Variants in ABCA2 observed in about 807,000 individuals in gnomAD.
The protein encoded by ABCA2 is ATP-binding cassette sub-family A member 2.
ABCA2 carries 84 observed loss-of-function variants against 262.8 expected under a neutral mutation model. The ratio of observed to expected loss-of-function variants is 0.32; its 90% CI spans 0.27 to 0.38. The LOEUF (loss-of-function observed/expected upper bound fraction) is 0.38, where lower values mean the gene tolerates loss of function less well. Among genes scored for constraint, ABCA2 ranks in the 10% least tolerant of loss-of-function variants. The pLI is 1.00. For missense variants in ABCA2, 2,662 were observed against 3,405.9 expected, an observed-to-expected ratio of 0.78 and a Z score of 5.44; for synonymous variants, 1,696 against 1,502.9, an observed-to-expected ratio of 1.13 and a Z score of -2.97.
chr9:137,028,822 G>T, upstream of ABCA2: 1 of 1,307,568 alleles, frequency 7.6e-7, no homozygotes, highest in Non-Finnish European at 1.0e-6. This position sits in a 1 kb window ranked among gnomAD's most constrained non-coding sequence, Gnocchi z 6.9. Context: ...GAGCGGAGCA[G>T]GCAGGGGACC....
chr9:137,021,547 C>G lies in ABCA2; in HGVS notation c.742G>C (p.Gly248Arg). The change falls in exon 8 of 49, where the codon GGC becomes CGC. Residue 248 changes from glycine (G) to arginine (R), a missense_variant. This residue lies in a region of ABCA2 where 403 missense variants were observed against 375.9 expected (regional missense o/e 1.07). Coordinates refer to ENST00000341511, the MANE Select transcript of ABCA2 (RefSeq NM_001606.5). This position sits in a 1 kb window ranked among gnomAD's most constrained non-coding sequence, Gnocchi z 6.0. ...LTCTPGSGEL[G>R]RILTVPESQK... Reference sequence around the variant, plus strand: ...CTCTCAGGCACAGTGAGGATCCGGCCCAGCTCCCCCGAGCCCGGCGTGCAG... The same window carrying G: ...CTCTCAGGCACAGTGAGGATCCGGCGCAGCTCCCCCGAGCCCGGCGTGCAG... 1 of 1,590,322 alleles carries G rather than the reference C, an allele frequency of 6.3e-7. No individual in the cohort carries two copies. Among genetic ancestry groups the G allele is most frequent in the Non-Finnish European group, 8.6e-7 (1 of 1,169,360 alleles).
At chr9:137,009,103 C>T (rs557935899) in intron 45 of ABCA2, 50 bp from the exon 46 acceptor site, 860 of 1,548,868 alleles carry the variant, frequency 5.6e-4, no homozygotes, top group Non-Finnish European at 7.1e-4. Context: ...CAGCCAGAGC[C>T]CCAGCCCCCC....
Position 137,011,692 on chromosome 9 carries a change from G to T in ABCA2, c.5593C>A (p.Pro1865Thr). Residue 1865 changes from proline to threonine, a missense_variant, in exon 36 of 49, where the codon CCG becomes ACG. Pro to Thr is a conservative substitution (Grantham distance 38). Coordinates refer to ENST00000341511, the MANE Select transcript of ABCA2 (RefSeq NM_001606.5). This position sits in a 1 kb window ranked among gnomAD's most constrained non-coding sequence, Gnocchi z 8.8. ...AAGTTGGTGGGCGACGTGTAGGCCG[G>T]CAGGTCGAACACAAACAGGATGATG... The part of the protein sequence containing the change: ...CVIILFVFDL[P>T]AYTSPTNFPA... The T allele has an allele frequency of 6.4e-7, 1 of 1,554,878 alleles. No homozygotes were observed.
In ABCA2 at chr9:137,016,737, G is replaced by A. The variant is rs892522876; in HGVS notation, c.2760C>T (p.Gly920=). Residue 920 remains glycine (G), a splice_region_variant and synonymous_variant, in exon 20 of 49, where the codon GGC becomes GGT. Coordinates refer to ENST00000341511, the MANE Select transcript of ABCA2 (RefSeq NM_001606.5). ...ACCAGGGCCGGGGCAGCCCGTACAT[G>A]CCTGGGGGTCGGGGAGGGGAGGGGA... ...LTWYIEAVHP[G]MYGLPRPWYF... is the part of the protein sequence containing the mutation. The A allele has an allele frequency of 7.1e-6, 11 of 1,549,594 alleles. No individual in the cohort carries two copies. Among genetic ancestry groups the A allele is most frequent in the Non-Finnish European group, 9.6e-6 (11 of 1,150,476 alleles).
chr9:137,010,608 C>T lies in ABCA2; in HGVS notation c.6174+12G>A, dbSNP rs752112807. On this transcript the variant is annotated intron_variant, in intron 40 of 48. Transcript: ENST00000341511. The stretch of plus-strand genomic sequence containing the variant: ...CCCCACCCAGGCCCCACCCTACATG[C>T]CCAGAGCCCACCTTGGTCAGGTTCT... The T allele has an allele frequency of 3.6e-5, 40 of 1,113,146 alleles. No homozygotes were observed. The highest frequency in any genetic ancestry group is 5.4e-5 in the Non-Finnish European group (40 of 743,700). The allele number at this position is 1,113,146 out of a possible 1,614,324, so 69.0% of individuals were successfully genotyped here. A position where few individuals can be genotyped will look rare whatever the true frequency, so the allele number is the denominator to read the frequency against.
chr9:137,022,951 C>T lies in ABCA2; in HGVS notation c.265G>A (p.Ala89Thr), dbSNP rs769192913. The T allele has an allele frequency of 2.7e-5, 42 of 1,576,688 alleles. 1 individual carries two copies. The highest frequency in any genetic ancestry group is 3.7e-5 in the Admixed American group (2 of 54,196). Reference protein sequence around the residue: ...QRDEFGFLQYANSTVTQLLER... With the variant: ...QRDEFGFLQYTNSTVTQLLER... The stretch of plus-strand genomic sequence containing the variant: ...CGGGTGGGCACTCACGTGGAGTTGG[C>T]GTACTGCAGGAAGCCGAACTCGTCT... The change falls in exon 4 of 49, where the codon GCC (alanine) becomes ACC (threonine). Residue 89 changes from alanine (A) to threonine (T), a missense_variant. Around this residue, in one of 12 missense-constraint regions of ABCA2, gnomAD observed 101 missense variants for 152.3 expected, o/e 0.66. Coordinates refer to ENST00000341511, the MANE Select transcript of ABCA2 (RefSeq NM_001606.5).
chr9:137,008,776 C>T lies in ABCA2; in HGVS notation c.7023G>A (p.Val2341=). ...VFSKMEQVSG[V]LGIEDYSVSQ... is the part of the protein sequence containing the mutation. ...TGACCGAGTAGTCCTCGATGCCCAG[C>T]ACGCCAGACACCTGCTCCATCTTGC... The change falls in exon 47 of 49, where the codon GTG becomes GTA. Residue 2341 remains valine, a synonymous_variant. Transcript: ENST00000341511. 1 of 1,597,494 alleles carries T rather than the reference C, an allele frequency of 6.3e-7. No individual in the cohort carries two copies.
intron 3 of ABCA2, chr9:137,023,294 A>C: frequency 1.5e-6 from 1 of 648,778 alleles, no homozygotes; most frequent in Non-Finnish European, 2.8e-6. Flanking sequence ...CCCTTCTGCC[A>C]TAACTCCCAG....
chr9:137,010,582 ACCCCACCCAGG>A, intron 40 of ABCA2, 27 bp downstream of exon 40: 1 of 1,058,696 alleles, frequency 9.4e-7, no homozygotes, highest in Non-Finnish European at 1.4e-6. Context: ...GCCCTGGCCT[ACCCCACCCAGG>A]CCCCACCCTA....
Position 137,028,040 on chromosome 9 carries a change from C to T in ABCA2, c.66+35G>A. On this transcript the variant is annotated intron_variant, in intron 1 of 48. Transcript: ENST00000341511. This position sits in a 1 kb window ranked among gnomAD's most constrained non-coding sequence, Gnocchi z 6.9. The stretch of plus-strand genomic sequence containing the variant: ...CGCCTCTGGCCGCGGTGCGCGCGGC[C>T]TCGGGCTGAGGGCGGGCGCGTGGGG... 5.1e-6 allele frequency: 5 copies of T among 975,022 alleles called. No individual in the cohort carries two copies. The highest frequency in any genetic ancestry group is 6.1e-6 in the Non-Finnish European group (5 of 822,050). The allele number at this position is 975,022 out of a possible 1,614,324, so 60.4% of individuals were successfully genotyped here.
intron 19 of ABCA2, 36 bp from the exon 20 acceptor site, chr9:137,016,774 G>C: frequency 6.5e-7 from 1 of 1,542,406 alleles, no homozygotes; most frequent in East Asian, 2.3e-5. Flanking sequence ...GCTGACCTAG[G>C]GCCTGGGGTG....
rs765982580 is a variant in ABCA2, at chr9:137,014,016, C to T, written c.4263G>A (p.Ser1421=). 40 of 1,611,484 alleles carry T rather than the reference C, an allele frequency of 2.5e-5. No homozygotes were observed. Among genetic ancestry groups the T allele is most frequent in the Middle Eastern group, 3.3e-4 (2 of 6,062 alleles). ...SLQEVEAEAL[S]RVGQGSRKLD... Reference sequence around the variant, plus strand: ...GCTTGCGGCTGCCCTGGCCGACCCTCGACAGGGCCTCTGCCTCCACCTCTG... The same window carrying T: ...GCTTGCGGCTGCCCTGGCCGACCCTTGACAGGGCCTCTGCCTCCACCTCTG... Residue 1421 remains serine (S), a synonymous_variant, in exon 28 of 49, where the codon TCG becomes TCA. Coordinates refer to ENST00000341511, the MANE Select transcript of ABCA2 (RefSeq NM_001606.5).
In ABCA2 at chr9:137,009,399, G is replaced by A. The variant is rs1222039302; in HGVS notation, c.6798C>T (p.Cys2266=). ...TCTTCAGGTGCTGGATGCTGCCCAG[G>A]CACCGCAGGCGACCGTTCACCATGA... The part of the protein sequence containing the change: ...LAIMVNGRLR[C]LGSIQHLKNR... The change falls in exon 45 of 49, where the codon TGC becomes TGT. Residue 2266 remains cysteine (C), a synonymous_variant. Coordinates refer to ENST00000341511, the MANE Select transcript of ABCA2 (RefSeq NM_001606.5). 1 of 1,548,372 alleles carries A rather than the reference G, an allele frequency of 6.5e-7. No individual in the cohort carries two copies. Among genetic ancestry groups the A allele is most frequent in the Non-Finnish European group, 8.7e-7 (1 of 1,145,212 alleles).
Position 137,015,988 on chromosome 9 carries a change from C to T in ABCA2, c.3291G>A (p.Gln1097=). ...TGTCCATCTCTCTGCGGATCTCCTC[C>T]TGAGCCATGCTCTTGAGCCGTGAGT... ...WFYSRLKSMA[Q]EEIRREMDKM... Residue 1097 remains glutamine (Q), a synonymous_variant, in exon 22 of 49, where the codon CAG becomes CAA. Coordinates refer to ENST00000341511, the MANE Select transcript of ABCA2 (RefSeq NM_001606.5). 1.3e-6 allele frequency: 2 copies of T among 1,580,406 alleles called. No individual in the cohort carries two copies. The highest frequency in any genetic ancestry group is 8.6e-7 in the Non-Finnish European group (1 of 1,160,724).
intron 42 of ABCA2, 35 bp downstream of exon 42, chr9:137,009,948 G>A (rs1372313128): frequency 1.8e-5 from 29 of 1,596,838 alleles, no homozygotes; most frequent in Admixed American, 5.1e-5. Flanking sequence ...GCCACCCAGC[G>A]TGCTGACTCC....
At chr9:137,009,346 A>G (rs1430431975) in intron 45 of ABCA2, 24 bp downstream of exon 45, 2 of 341,308 alleles carry the variant, frequency 5.9e-6, no homozygotes, top group East Asian at 7.4e-5. Context: ...GCCCCAGCCC[A>G]CCCCTGGCCC....
At position 137,011,760 on chromosome 9, in the gene ABCA2, G is replaced by T. The variant is rs965511425; in HGVS notation, c.5536-11C>A. The T allele has an allele frequency of 5.2e-6, 8 of 1,550,304 alleles. No homozygotes were observed. In the African/African-American group the frequency reaches 5.5e-5, roughly 11 times the overall value. On this transcript the variant is annotated splice_polypyrimidine_tract_variant and intron_variant, in intron 35 of 48. Coordinates refer to ENST00000341511, the MANE Select transcript of ABCA2 (RefSeq NM_001606.5). The surrounding 1 kb of genome is among the most constrained non-coding windows in gnomAD (Gnocchi z 8.8). ...GACCAGGTAGTTGAGCTGCAGGGGTGGGGGCGGCTGGTGAGAGACCCGGGG... is the reference window on the plus strand; with the variant it reads ...GACCAGGTAGTTGAGCTGCAGGGGTTGGGGCGGCTGGTGAGAGACCCGGGG...
At position 137,009,570 on chromosome 9, in the gene ABCA2, T is replaced by G; in HGVS notation, c.6705A>C (p.Thr2235=). The change falls in exon 44 of 49, where the codon ACA becomes ACC. Residue 2235 remains threonine (T), a synonymous_variant. Coordinates refer to ENST00000341511, the MANE Select transcript of ABCA2 (RefSeq NM_001606.5). ...LWNLILDLIK[T]GRSVVLTSHS... is the part of the protein sequence containing the mutation. ...GTGATGTCAGCACCACTGAACGCCC[T>G]GTCTTGATGAGGTCAAGGATGAGGT... 6.2e-7 allele frequency: 1 copy of G among 1,612,866 alleles called. No homozygotes were observed. The highest frequency in any genetic ancestry group is 1.1e-5 in the South Asian group (1 of 91,084).
In ABCA2 at chr9:137,018,811, C is replaced by T. The variant is rs780095767; in HGVS notation, c.1727G>A (p.Ser576Asn). 7 of 1,612,680 alleles carry T rather than the reference C, an allele frequency of 4.3e-6. No individual in the cohort carries two copies. The highest frequency in any genetic ancestry group is 3.3e-5 in the Admixed American group (2 of 59,996). ...CGWIQFMSKV[S>N]VDIFKGFPDE... ...GGGGAAGCCCTTGAAGATGTCCACG[C>T]TCACCTAGCGGGAGGGGCATCGCTG... is the stretch of plus-strand genomic sequence containing the variant. The change falls in exon 13 of 49, where the codon AGC becomes AAC. Residue 576 changes from serine (S) to asparagine (N), a missense_variant. Coordinates refer to ENST00000341511, the MANE Select transcript of ABCA2 (RefSeq NM_001606.5).
Sources: gnomAD v4.1 joint callset for allele counts on GRCh38, gnomAD v4.1.1 for gene constraint, gnomAD v4.1.1 regional missense constraint, Gnocchi (gnomAD v3.1) non-coding constraint, MANE v1.5 for transcripts, NCBI Gene and HGNC (gene_info 2026-07-23, HGNC 2026-07-21) for gene names.